Variants in RNF220 observed in about 807,000 individuals in gnomAD.
RNF220 encodes the protein E3 ubiquitin-protein ligase RNF220.
A neutral mutation model predicts 67.1 loss-of-function variants in RNF220; 7 were observed. The ratio of observed to expected loss-of-function variants is 0.10; its 90% CI spans 0.06 to 0.20. RNF220 has a LOEUF of 0.20. Ranked by LOEUF, RNF220 falls within the 10% of genes least tolerant of loss-of-function variation. RNF220 has a pLI of 1.00. For synonymous variants in RNF220, 270 were observed against 283.2 expected, an observed-to-expected ratio of 0.95 and a Z score of 0.47; for missense variants, 565 against 740.3, an observed-to-expected ratio of 0.76 and a Z score of 2.75.
At position 44,650,167 on chromosome 1, in the gene RNF220, T is replaced by C. The variant is rs925280825; in HGVS notation, c.1629+210T>C. The C allele has an allele frequency of 1.7e-6, 1 of 604,624 alleles. No homozygotes were observed. The highest frequency in any genetic ancestry group is 2.9e-6 in the Non-Finnish European group (1 of 342,360). 37.5% of individuals were successfully genotyped at this position (604,624 alleles called of 1,614,324 possible). ...AGGTTTAGGAACTTCTCCCCCTCCA[T>C]GAGTTCACTGCATTCTCCCTTCCCC... On this transcript the variant is annotated intron_variant, in intron 14 of 14. Coordinates refer to ENST00000361799, the MANE Select transcript of RNF220 (RefSeq NM_018150.4). The surrounding 1 kb of genome is among the most constrained non-coding windows in gnomAD (Gnocchi z 4.3).
intron 2 of RNF220, among the ~76,000 whole-genome samples, chr1:44,505,818 G>T (rs1049448649): frequency 7.9e-5 from 12 of 152,230 alleles, no homozygotes; most frequent in African/African-American, 2.2e-4. Flanking sequence ...AATGCGACAT[G>T]GCGCACTGCT....
At chr1:44,595,909 G>A (rs1048681753) in intron 2 of RNF220, among the ~76,000 whole-genome samples, 10 of 151,958 alleles carry the variant, frequency 6.6e-5, no homozygotes, top group Admixed American at 2.0e-4. Context: ...GACTACAGGC[G>A]CCCGCCACCA....
rs142680031 is a variant in RNF220, at chr1:44,529,287, T to A, written c.626-84878T>A. Among the ~76,000 whole-genome samples, 419 of 152,226 alleles carry A rather than the reference T, an allele frequency of 2.8e-3. 2 individuals carry two copies. Among genetic ancestry groups the A allele is most frequent in the African/African-American group, 9.0e-3 (372 of 41,532 alleles). ...TTTAAAAACATATATTTGAAGAATA[T>A]TTCAGCAGAGATCCTAAAATAATGT... On this transcript the variant is annotated intron_variant, in intron 2 of 14. Coordinates refer to ENST00000361799, the MANE Select transcript of RNF220 (RefSeq NM_018150.4).
chr1:44,529,728 C>T (rs530809338), intron 2 of RNF220, among the ~76,000 whole-genome samples: 9 of 151,982 alleles, frequency 5.9e-5, no homozygotes, highest in East Asian at 1.9e-4. Flanking sequence ...CATAAAAGCA[C>T]GACAGAACAC....
chr1:44,575,307 A>G (rs117555973), intron 2 of RNF220, among the ~76,000 whole-genome samples: 12 of 152,310 alleles, frequency 7.9e-5, no homozygotes, highest in African/African-American at 2.6e-4. Context: ...TTTCACTTAA[A>G]CAATGATCTT....
chr1:44,504,007 G>A (rs1356463584), intron 2 of RNF220, among the ~76,000 whole-genome samples: 4 of 152,080 alleles, frequency 2.6e-5, no homozygotes, highest in Non-Finnish European at 5.9e-5. Flanking sequence ...GTGCCACCAT[G>A]CCCAGCTAAT....
intron 2 of RNF220, among the ~76,000 whole-genome samples, chr1:44,570,427 G>A (rs1298514127): frequency 6.6e-6 from 1 of 152,150 alleles, no homozygotes; most frequent in Admixed American, 6.5e-5. Context: ...CGTTCCATTT[G>A]GCGCTGAATG....
chr1:44,528,438 C>G (rs991478990), intron 2 of RNF220, among the ~76,000 whole-genome samples: 4 of 151,168 alleles, frequency 2.6e-5, no homozygotes, highest in Non-Finnish European at 1.5e-5. Context: ...GCAGCTGGGA[C>G]TACAGGCACA....
rs768922406 is a variant in RNF220, at chr1:44,645,177, C to G, written c.1311-44C>G. The G allele has an allele frequency of 6.2e-7, 1 of 1,613,844 alleles. No individual in the cohort carries two copies. The highest frequency in any genetic ancestry group is 1.7e-5 in the Admixed American group (1 of 60,028). On this transcript the variant is annotated intron_variant, in intron 10 of 14. Transcript: ENST00000361799. This position sits in a 1 kb window ranked among gnomAD's most constrained non-coding sequence, Gnocchi z 5.0. Reference sequence around the variant, plus strand: ...TACTGACCCTCAGGGCTGTCCTGCCCGCCTTCAGGCCTCACTTTGTTTTTC... The same window carrying G: ...TACTGACCCTCAGGGCTGTCCTGCCGGCCTTCAGGCCTCACTTTGTTTTTC...
chr1:44,505,280 A>G (rs1658313084), intron 2 of RNF220, among the ~76,000 whole-genome samples: 1 of 152,216 alleles, frequency 6.6e-6, no homozygotes, highest in African/African-American at 2.4e-5. Flanking sequence ...AACCCCAAGG[A>G]AACAGGACTC....
At chr1:44,443,471 G>A (rs1335839300) in intron 2 of RNF220, among the ~76,000 whole-genome samples, 5 of 152,020 alleles carry the variant, frequency 3.3e-5, no homozygotes, top group Admixed American at 6.6e-5. Flanking sequence ...AGTTCATTCC[G>A]TATACCCTAC....
intron 2 of RNF220, among the ~76,000 whole-genome samples, chr1:44,490,337 G>A (rs1656740354): frequency 6.6e-6 from 1 of 151,992 alleles, no homozygotes; most frequent in Non-Finnish European, 1.5e-5. Flanking sequence ...AGGCGTGGTG[G>A]CGAGCGCCTG....
At chr1:44,527,925 C>CAAAAAAAAAAAAAAAAAAAAAAAAAAA (rs56409207) in intron 2 of RNF220, among the ~76,000 whole-genome samples, 1 of 56,206 alleles carries the variant, frequency 1.8e-5, no homozygotes, top group African/African-American at 1.0e-4. Context: ...GACTCCATCC[C>CAAAAAAAAAAAAAAAAAAAAAAAAAAA]AAAAAAAAAA....
chr1:44,497,599 A>G (rs1657454693), intron 2 of RNF220, among the ~76,000 whole-genome samples: 1 of 152,128 alleles, frequency 6.6e-6, no homozygotes, highest in Non-Finnish European at 1.5e-5. Context: ...CCTCGCCTCC[A>G]GCCTTAATAT....
chr1:44,592,600 G>T (rs2148374676), intron 2 of RNF220, among the ~76,000 whole-genome samples: 1 of 152,284 alleles, frequency 6.6e-6, no homozygotes, highest in Admixed American at 6.5e-5. Flanking sequence ...CCCCGCTTGG[G>T]GCAGGAAGGC....
chr1:44,632,526 T>TGCAA (rs1644190478), intron 6 of RNF220, 141 bp downstream of exon 6: 1 of 816,450 alleles, frequency 1.2e-6, no homozygotes, highest in Non-Finnish European at 2.0e-6. Context: ...CCTGAGTATG[T>TGCAA]GCAAACCAAA....
At chr1:44,505,207 G>A (rs979869816) in intron 2 of RNF220, among the ~76,000 whole-genome samples, 1 of 152,216 alleles carries the variant, frequency 6.6e-6, no homozygotes, top group African/African-American at 2.4e-5. Context: ...CAGAGCACGT[G>A]TTTGCTGCTC....
At chr1:44,543,021 G>T (rs879471135) in intron 2 of RNF220, among the ~76,000 whole-genome samples, 2 of 152,130 alleles carry the variant, frequency 1.3e-5, no homozygotes, top group Admixed American at 6.5e-5. Context: ...GAGCCCAGGC[G>T]CCTGCCACCG....
chr1:44,408,278 T>G (rs1647597768), intron 1 of RNF220, among the ~76,000 whole-genome samples: 1 of 152,198 alleles, frequency 6.6e-6, no homozygotes, highest in Non-Finnish European at 1.5e-5. Context: ...CCGGGCTGTC[T>G]CGGATTCGCA....
Sources: allele counts gnomAD v4.1 joint callset (sites outside exome capture counted in the v4.1 genomes callset), GRCh38; gene constraint gnomAD v4.1.1; non-coding constraint Gnocchi (gnomAD v3.1); transcripts MANE v1.5; gene names NCBI Gene and HGNC (gene_info 2026-07-23, HGNC 2026-07-21).